The following TTC28 variants were observed in gnomAD, a reference collection of about 807,000 sequenced individuals.
TTC28 encodes the protein tetratricopeptide repeat protein 28.
TTC28 carries 61 observed loss-of-function variants against 198.0 expected under a neutral mutation model. The observed-to-expected ratio is 0.31, with a 90% CI of 0.25 to 0.38. The LOEUF (loss-of-function observed/expected upper bound fraction) is 0.38, where lower values mean the gene tolerates loss of function less well. Ranked by LOEUF, TTC28 falls within the 10% of genes least tolerant of loss-of-function variation. The probability of loss-of-function intolerance (pLI) is 1.00; values close to 1 mark genes in which losing one functional copy is unlikely to be tolerated. For synonymous variants in TTC28, 1,171 were observed against 1,297.8 expected, an observed-to-expected ratio of 0.90 and a Z score of 2.10; for missense variants, 2,678 against 3,164.0, an observed-to-expected ratio of 0.85 and a Z score of 3.69.
rs138344320 is a variant in TTC28 at position 28,006,110 on chromosome 22, C to T, written c.4219-4557G>A. Among the ~76,000 whole-genome samples the T allele has an allele frequency of 8.9e-4, 135 of 152,236 alleles. 1 individual carries two copies. The highest frequency in any genetic ancestry group is 2.9e-3 in the African/African-American group (121 of 41,542). On this transcript the variant is annotated intron_variant, in intron 14 of 22. Coordinates refer to ENST00000397906, the MANE Select transcript of TTC28 (RefSeq NM_001145418.2). ...GGGGGTCTGAGGGGAGGCCCTGTCA[C>T]GGAGTCTGGGTCAGCCTGCCAAGTC...
chr22:28,562,683 G>A (rs2049905288), intron 2 of TTC28, among the ~76,000 whole-genome samples: 1 of 152,104 alleles, frequency 6.6e-6, no homozygotes, highest in African/African-American at 2.4e-5. Context: ...GAGAATAGAA[G>A]GGCAGGTTTG....
At chr22:28,525,162 T>C (rs2048982453) in intron 2 of TTC28, among the ~76,000 whole-genome samples, 1 of 152,156 alleles carries the variant, frequency 6.6e-6, no homozygotes, top group Non-Finnish European at 1.5e-5. Flanking sequence ...GGTTTTATTG[T>C]GTGTGTGAAA....
At chr22:28,175,462 T>G (rs1045583226) in intron 5 of TTC28, among the ~76,000 whole-genome samples, 4 of 152,210 alleles carry the variant, frequency 2.6e-5, no homozygotes, top group Admixed American at 6.5e-5. Context: ...CCAGGCCTGG[T>G]GGCTCATGCC....
chr22:28,350,275 T>C (rs988466843), intron 2 of TTC28, among the ~76,000 whole-genome samples: 2 of 152,220 alleles, frequency 1.3e-5, no homozygotes, highest in African/African-American at 2.4e-5. Flanking sequence ...CTAACAGATT[T>C]ACTAGCAATT....
At chr22:28,499,070 T>C (rs535129278) in intron 2 of TTC28, among the ~76,000 whole-genome samples, 139 of 152,076 alleles carry the variant, frequency 9.1e-4, no homozygotes, top group Non-Finnish European at 1.6e-3. Flanking sequence ...CCCAGCTACT[T>C]GGGAGGCTGA....
intron 5 of TTC28, among the ~76,000 whole-genome samples, chr22:28,274,907 A>C (rs907914192): frequency 1.4e-5 from 2 of 145,904 alleles, no homozygotes; most frequent in Non-Finnish European, 3.0e-5. Flanking sequence ...TGAACCCAGA[A>C]GGTGGAGGTT....
intron 21 of TTC28, chr22:27,985,665 G>T: frequency 4.4e-6 from 1 of 228,290 alleles, no homozygotes; most frequent in Non-Finnish European, 9.1e-6. Flanking sequence ...TCACTCACAT[G>T]TTTTCTTTTC....
intron 2 of TTC28, among the ~76,000 whole-genome samples, chr22:28,423,120 C>T (rs995026817): frequency 3.3e-5 from 5 of 152,032 alleles, no homozygotes; most frequent in Admixed American, 1.3e-4. Flanking sequence ...CCCTGGGCAC[C>T]GTGGCTCACA....
chr22:28,678,540 C>T (rs1246289628), intron 1 of TTC28, among the ~76,000 whole-genome samples: 1 of 152,190 alleles, frequency 6.6e-6, no homozygotes, highest in Non-Finnish European at 1.5e-5. Context: ...ATAGTGTATA[C>T]TAAGCAACAT....
intron 5 of TTC28, among the ~76,000 whole-genome samples, chr22:28,207,989 G>GC (rs1926578824): frequency 1.3e-5 from 2 of 152,128 alleles, no homozygotes; most frequent in Admixed American, 6.5e-5. Context: ...ACTATATGCT[G>GC]CATCTATGAC....
At chr22:28,114,725 G>A (rs1942587308) in intron 6 of TTC28, among the ~76,000 whole-genome samples, 1 of 151,642 alleles carries the variant, frequency 6.6e-6, no homozygotes, top group Non-Finnish European at 1.5e-5. Context: ...GACTATAGCT[G>A]TGCACCACTG....
chr22:28,147,646 T>G (rs1943500205), intron 6 of TTC28, among the ~76,000 whole-genome samples: 2 of 152,230 alleles, frequency 1.3e-5, no homozygotes, highest in Admixed American at 1.3e-4. Context: ...TTTGACAAGT[T>G]AACCTCTCTG....
In TTC28 at chr22:28,645,549, C is replaced by T. The variant is rs572339249; in HGVS notation, c.103-15719G>A. On this transcript the variant is annotated intron_variant, in intron 1 of 22. Coordinates refer to ENST00000397906, the MANE Select transcript of TTC28 (RefSeq NM_001145418.2). ...GGCTGAGGCAGGAGAATTGCTTGTA[C>T]CCAGGAGTCCAGGGGTGCAGGGAGC... Among the ~76,000 whole-genome samples, 57 of 151,704 alleles carry T rather than the reference C, an allele frequency of 3.8e-4. 1 individual carries two copies. Among genetic ancestry groups the T allele is most frequent in the South Asian group, 6.3e-4 (3 of 4,796 alleles).
At chr22:28,244,691 G>A (rs773236683) in intron 5 of TTC28, among the ~76,000 whole-genome samples, 42 of 152,142 alleles carry the variant, frequency 2.8e-4, no homozygotes, top group Admixed American at 1.2e-3. Context: ...TGCTTCCAGG[G>A]GCTTTTGATC....
At position 28,501,883 on chromosome 22, in the gene TTC28, T is replaced by A. The variant is rs553455752; in HGVS notation, c.381+127669A>T. On this transcript the variant is annotated intron_variant, in intron 2 of 22. Transcript: ENST00000397906. ...AAAAATCATGACCTGCCTATTTGTT[T>A]TTTATACCTATTCTCTTTTGATGCG... is the stretch of plus-strand genomic sequence containing the variant. Among the ~76,000 whole-genome samples the A allele has an allele frequency of 3.9e-5, 6 of 152,314 alleles. 1 individual carries two copies. In the East Asian group the frequency reaches 1.2e-3, roughly 29 times the overall value.
Position 28,421,890 on chromosome 22 carries a change from G to A in TTC28, c.382-115247C>T, listed in dbSNP as rs371060187. 6.9e-5 allele frequency among the ~76,000 whole-genome samples: 10 copies of A among 145,320 alleles called. 1 individual carries two copies. Among genetic ancestry groups the A allele is most frequent in the African/African-American group, 2.3e-4 (9 of 38,634 alleles). On this transcript the variant is annotated intron_variant, in intron 2 of 22. Transcript: ENST00000397906. ...GCGGAGGTTGCAGTGAGCAGAGATC[G>A]CACCACTGCATTCCAGCCTGGTGAC...
chr22:28,035,918 C>G (rs965287622), intron 12 of TTC28, among the ~76,000 whole-genome samples: 2 of 152,178 alleles, frequency 1.3e-5, no homozygotes, highest in Admixed American at 6.5e-5. Context: ...TTAAAGGGAT[C>G]AAGTCAACAA....
At chr22:28,404,802 G>GGAT (rs1389304729) in intron 2 of TTC28, among the ~76,000 whole-genome samples, 17 of 152,170 alleles carry the variant, frequency 1.1e-4, no homozygotes, top group Non-Finnish European at 2.2e-4. Context: ...GGAGAAGTGA[G>GGAT]GATGATAATG....
chr22:28,660,320 G>A (rs2051722188), intron 1 of TTC28, among the ~76,000 whole-genome samples: 1 of 151,950 alleles, frequency 6.6e-6, no homozygotes, highest in Non-Finnish European at 1.5e-5. Context: ...AGCACAGTAA[G>A]AAAAGGAAAT....
Sources: gnomAD v4.1 joint callset for allele counts (sites outside exome capture counted in the v4.1 genomes callset) on GRCh38, gnomAD v4.1.1 for gene constraint, MANE v1.5 for transcripts, NCBI Gene and HGNC (gene_info 2026-07-23, HGNC 2026-07-21) for gene names.